Variants in FOCAD observed in about 807,000 individuals in gnomAD.
FOCAD encodes the protein focadhesin.
A neutral mutation model predicts 225.6 loss-of-function variants in FOCAD; 198 were observed. That is an observed-to-expected ratio of 0.88 (90% CI 0.78 to 0.99). FOCAD has a LOEUF of 0.99. Ranked by LOEUF, FOCAD falls within the 50% of genes least tolerant of loss-of-function variation. The pLI is 0.00. For synonymous variants in FOCAD, 897 were observed against 755.0 expected, an observed-to-expected ratio of 1.19 and a Z score of -3.08; for missense variants, 2,713 against 2,123.6, an observed-to-expected ratio of 1.28 and a Z score of -5.46.
chr9:20,668,722 G>A (rs865890078), intron 2 of FOCAD, among the ~76,000 whole-genome samples: 1 of 152,206 alleles, frequency 6.6e-6, no homozygotes, highest in Non-Finnish European at 1.5e-5. Flanking sequence ...CCTACAGCTT[G>A]TATTAGCCTT....
At chr9:20,943,336 C>G (rs1383701041) in intron 28 of FOCAD, among the ~76,000 whole-genome samples, 4 of 152,146 alleles carry the variant, frequency 2.6e-5, no homozygotes, top group African/African-American at 9.7e-5. Flanking sequence ...CGTTATGCAA[C>G]AGAAACTAGA....
At chr9:20,672,084 AC>A (rs1162595420) in intron 2 of FOCAD, among the ~76,000 whole-genome samples, 2 of 152,126 alleles carry the variant, frequency 1.3e-5, no homozygotes, top group East Asian at 3.9e-4. Context: ...GGGATAGGGA[AC>A]CATACTCTAC....
chr9:20,949,527 A>T (rs566088367), intron 32 of FOCAD, 77 bp from the exon 33 acceptor site: 1 of 910,784 alleles, frequency 1.1e-6, no homozygotes, highest in African/African-American at 1.9e-5. Flanking sequence ...GAAGATGGAT[A>T]GCTCATGCAC....
intron 9 of FOCAD, among the ~76,000 whole-genome samples, chr9:20,779,536 C>A (rs1429858527): frequency 6.6e-6 from 1 of 152,140 alleles, no homozygotes; most frequent in Non-Finnish European, 1.5e-5. Flanking sequence ...CACCTGAGGT[C>A]AGGAGTTCGA....
intron 6 of FOCAD, 76 bp downstream of exon 6, chr9:20,758,267 TTTTG>T (rs1432795714): frequency 1.6e-5 from 16 of 1,015,486 alleles, no homozygotes; most frequent in Admixed American, 9.0e-5. Flanking sequence ...TAGGGTTTTT[TTTTG>T]TTTGTTTGTT....
intron 36 of FOCAD, among the ~76,000 whole-genome samples, chr9:20,976,905 T>A (rs962531512): frequency 2.0e-5 from 3 of 152,224 alleles, no homozygotes; most frequent in Non-Finnish European, 4.4e-5. Flanking sequence ...GTATTAATTT[T>A]CTATTGCTGC....
intron 2 of FOCAD, among the ~76,000 whole-genome samples, chr9:20,659,595 G>T (rs1479035477): frequency 4.6e-5 from 7 of 152,166 alleles, no homozygotes; most frequent in Non-Finnish European, 1.0e-4. Context: ...GGCCTCGGGA[G>T]AAAGCAGGCC....
chr9:20,678,512 G>A (rs1587200139), intron 2 of FOCAD, among the ~76,000 whole-genome samples: 1 of 152,210 alleles, frequency 6.6e-6, no homozygotes, highest in South Asian at 2.1e-4. Context: ...TTCTGGGGTG[G>A]TGTGTTACAC....
intron 10 of FOCAD, among the ~76,000 whole-genome samples, chr9:20,784,316 C>A (rs1440543470): frequency 6.6e-6 from 1 of 152,202 alleles, no homozygotes; most frequent in African/African-American, 2.4e-5. Flanking sequence ...TGCAGTGTCT[C>A]TCCTATGCTC....
rs143675786 is a variant in FOCAD, at chr9:20,686,778, T to C, written c.-33+2485T>C. Among the ~76,000 whole-genome samples, 527 of 152,314 alleles carry C rather than the reference T, an allele frequency of 3.5e-3. 2 individuals carry two copies. Among genetic ancestry groups the C allele is most frequent in the Non-Finnish European group, 5.4e-3 (365 of 68,022 alleles). ...TACTTATATGAGTATAAGTCTGTGA[T>C]TCACAATTAGTAATAGATTGATGGA... On this transcript the variant is annotated intron_variant, in intron 1 of 43. Transcript: ENST00000338382.
intron 24 of FOCAD, among the ~76,000 whole-genome samples, chr9:20,922,785 G>A (rs1834569361): frequency 6.6e-6 from 1 of 152,238 alleles, no homozygotes; most frequent in Non-Finnish European, 1.5e-5. Flanking sequence ...TGGTATGGGT[G>A]CTCTTGTTGC....
At chr9:20,801,304 G>T (rs1018475569) in intron 11 of FOCAD, among the ~76,000 whole-genome samples, 4 of 152,138 alleles carry the variant, frequency 2.6e-5, no homozygotes, top group African/African-American at 9.7e-5. Context: ...AAGCAATGCC[G>T]TTGAAATTAG....
rs1490039761 is a variant in FOCAD at position 20,836,984 on chromosome 9, C to T, written c.1920+13869C>T. 2.6e-5 allele frequency among the ~76,000 whole-genome samples: 4 copies of T among 151,970 alleles called. No homozygotes were observed. In the East Asian group the frequency reaches 7.8e-4, roughly 29 times the overall value. On this transcript the variant is annotated intron_variant, in intron 15 of 43. Coordinates refer to ENST00000338382, the MANE Select transcript of FOCAD (RefSeq NM_001375567.1). Reference sequence around the variant, plus strand: ...TTAAATGGAGGCCTTAATATTTTACCACTTAAAATTTTTGCTTCTATCCTC... The same window carrying T: ...TTAAATGGAGGCCTTAATATTTTACTACTTAAAATTTTTGCTTCTATCCTC...
intron 19 of FOCAD, among the ~76,000 whole-genome samples, chr9:20,880,181 A>G (rs1830551190): frequency 1.3e-5 from 2 of 152,182 alleles, no homozygotes; most frequent in African/African-American, 4.8e-5. Flanking sequence ...AGATTGAGTA[A>G]TTGGAGAGAG....
At chr9:20,668,992 A>G (rs960412289) in intron 2 of FOCAD, among the ~76,000 whole-genome samples, 2 of 152,150 alleles carry the variant, frequency 1.3e-5, no homozygotes, top group Non-Finnish European at 2.9e-5. Context: ...ATCAAAGGTG[A>G]TTCCTTGCCC....
At chr9:20,660,225 C>T (rs764178314) in intron 2 of FOCAD, among the ~76,000 whole-genome samples, 1 of 152,198 alleles carries the variant, frequency 6.6e-6, no homozygotes, top group Non-Finnish European at 1.5e-5. Context: ...ATGGTTAACA[C>T]TTAACCTAGG....
chr9:20,736,285 C>G (rs1044384996), intron 4 of FOCAD, among the ~76,000 whole-genome samples: 3 of 151,996 alleles, frequency 2.0e-5, no homozygotes, highest in Non-Finnish European at 2.9e-5. Context: ...TTGCTTAGTA[C>G]TTGGAAGCTT....
chr9:20,736,694 C>CT (rs1321615945), intron 4 of FOCAD, among the ~76,000 whole-genome samples: 1 of 151,948 alleles, frequency 6.6e-6, no homozygotes, highest in Admixed American at 6.6e-5. Flanking sequence ...ATTATCCCAG[C>CT]TTTTTGAAAA....
chr9:20,914,903 G>A (rs1406769085), intron 23 of FOCAD, among the ~76,000 whole-genome samples: 1 of 152,144 alleles, frequency 6.6e-6, no homozygotes, highest in Non-Finnish European at 1.5e-5. Context: ...TGTTAGTGTG[G>A]AAAAGTAAAT....
Sources: allele counts gnomAD v4.1 joint callset (sites outside exome capture counted in the v4.1 genomes callset), GRCh38; gene constraint gnomAD v4.1.1; transcripts MANE v1.5; gene names NCBI Gene and HGNC (gene_info 2026-07-23, HGNC 2026-07-21).